The following ARFIP1 variants were observed in gnomAD, a reference collection of about 807,000 sequenced individuals.
The protein encoded by ARFIP1 is ARF interacting protein 1.
In ARFIP1, 24 loss-of-function variants were observed where a neutral mutation model predicts 42.5. The ratio of observed to expected loss-of-function variants is 0.57; its 90% CI spans 0.41 to 0.80. The LOEUF is 0.80. Ranked by LOEUF, ARFIP1 falls within the 30% of genes least tolerant of loss-of-function variation. The pLI, the probability that ARFIP1 is intolerant of heterozygous loss-of-function variation, is 0.00. For synonymous variants in ARFIP1, 141 were observed against 153.7 expected (o/e 0.92, Z 0.61); for missense variants, 354 against 434.0 (o/e 0.82, Z 1.64).
intron 5 of ARFIP1, among the ~76,000 whole-genome samples, chr4:152,879,476 A>G (rs912620367): frequency 2.0e-5 from 3 of 152,206 alleles, no homozygotes; most frequent in African/African-American, 7.2e-5. Context: ...CTCTTATTTC[A>G]TGCATTATTT....
At chr4:152,868,846 A>C (rs1186665731) in intron 3 of ARFIP1, among the ~76,000 whole-genome samples, 1 of 152,166 alleles carries the variant, frequency 6.6e-6, no homozygotes, top group Non-Finnish European at 1.5e-5. Flanking sequence ...TAACTTGTAG[A>C]TTAGTGATTT....
At chr4:152,831,564 G>A (rs1161911928) in intron 2 of ARFIP1, among the ~76,000 whole-genome samples, 3 of 152,166 alleles carry the variant, frequency 2.0e-5, no homozygotes, top group African/African-American at 7.2e-5. Flanking sequence ...ACCTCAGAAG[G>A]CTTCCTTATG....
chr4:152,871,259 G>T (rs1233477836), intron 4 of ARFIP1, among the ~76,000 whole-genome samples: 5 of 151,970 alleles, frequency 3.3e-5, no homozygotes, highest in Non-Finnish European at 1.5e-5. Flanking sequence ...AATGAAAAAG[G>T]TCTTGTCTTC....
At chr4:152,851,431 C>T (rs1201581360) in intron 2 of ARFIP1, among the ~76,000 whole-genome samples, 1 of 152,112 alleles carries the variant, frequency 6.6e-6, no homozygotes, top group Non-Finnish European at 1.5e-5. Flanking sequence ...AGTGTGAGAC[C>T]ATAGAACTGG....
chr4:152,908,851 G>C (rs1266472058), intron 8 of ARFIP1, among the ~76,000 whole-genome samples: 1 of 149,494 alleles, frequency 6.7e-6, no homozygotes, highest in Admixed American at 6.7e-5. Context: ...ACCGAGACCA[G>C]CTCAGTTTTG....
At chr4:152,825,562 T>C (rs575906314) in intron 1 of ARFIP1, among the ~76,000 whole-genome samples, 2 of 152,144 alleles carry the variant, frequency 1.3e-5, no homozygotes, top group South Asian at 4.1e-4. Context: ...GATTAAAGAC[T>C]TAAGATCTGA....
chr4:152,886,294 C>T (rs1736256519), intron 7 of ARFIP1, among the ~76,000 whole-genome samples: 1 of 151,952 alleles, frequency 6.6e-6, no homozygotes, highest in African/African-American at 2.4e-5. Flanking sequence ...GATCAACATT[C>T]TTCAGTGGCT....
At chr4:152,847,121 G>GTTTTTTTTTTTTTTTTT (rs1561139273) in intron 2 of ARFIP1, among the ~76,000 whole-genome samples, 2 of 48,174 alleles carry the variant, frequency 4.2e-5, no homozygotes, top group African/African-American at 8.0e-5. Context: ...TTTTAGGTTT[G>GTTTTTTTTTTTTTTTTT]TTCTTTTTTT....
Position 152,880,959 on chromosome 4 carries a change from T to G in ARFIP1, c.412-4T>G. The stretch of plus-strand genomic sequence containing the variant: ...TCTAAACAAAATGCATCTTCCACTT[T>G]TAGTGTACTCGACAGATTATCTCTG... On this transcript the variant is annotated splice_region_variant and splice_polypyrimidine_tract_variant and intron_variant, in intron 5 of 8. Coordinates refer to ENST00000353617, the MANE Select transcript of ARFIP1 (RefSeq NM_001025595.3). 6.2e-7 allele frequency: 1 copy of G among 1,606,038 alleles called. No homozygotes were observed. Among genetic ancestry groups the G allele is most frequent in the Non-Finnish European group, 8.5e-7 (1 of 1,175,486 alleles).
intron 1 of ARFIP1, among the ~76,000 whole-genome samples, chr4:152,825,876 T>TA (rs1279152995): frequency 6.6e-6 from 1 of 151,926 alleles, no homozygotes; most frequent in African/African-American, 2.4e-5. Flanking sequence ...TCAAAAGAAA[T>TA]ACACAAATGG....
intron 1 of ARFIP1, among the ~76,000 whole-genome samples, chr4:152,805,577 C>G (rs111844786): frequency 0.013 from 1,971 of 152,250 alleles, 21 homozygotes; most frequent in South Asian, 0.023. Context: ...TATCTTTCTT[C>G]GTAACCCTAG....
At chr4:152,848,356 G>A (rs1297585114) in intron 2 of ARFIP1, among the ~76,000 whole-genome samples, 1 of 152,128 alleles carries the variant, frequency 6.6e-6, no homozygotes, top group African/African-American at 2.4e-5. Flanking sequence ...GAACGAGGAC[G>A]AGGACTAGAA....
At chr4:152,824,129 A>C (rs1413029457) in intron 1 of ARFIP1, among the ~76,000 whole-genome samples, 1 of 152,158 alleles carries the variant, frequency 6.6e-6, no homozygotes, top group South Asian at 2.1e-4. Flanking sequence ...CCTGGCCAAC[A>C]TGGTGAAACC....
chr4:152,856,810 A>G (rs1274980905), intron 2 of ARFIP1, among the ~76,000 whole-genome samples: 8 of 152,240 alleles, frequency 5.3e-5, no homozygotes, highest in Admixed American at 5.2e-4. Context: ...GTCAAGACTT[A>G]AGCAAGGCAA....
At position 152,857,709 on chromosome 4, in the gene ARFIP1, T is replaced by C. The variant is rs115817498; in HGVS notation, c.94-5897T>C. Reference sequence around the variant, plus strand: ...ACAATTTATCTCATCAGAGAGACCTTCCCCAAATACTGCATCTGAAGTGGC... The same window carrying C: ...ACAATTTATCTCATCAGAGAGACCTCCCCCAAATACTGCATCTGAAGTGGC... On this transcript the variant is annotated intron_variant, in intron 2 of 8. Transcript: ENST00000353617. 5.7e-3 allele frequency among the ~76,000 whole-genome samples: 864 copies of C among 152,330 alleles called. 5 individuals carry two copies. The highest frequency in any genetic ancestry group is 0.018 in the African/African-American group (753 of 41,566).
rs1734805933 is a variant in ARFIP1 at position 152,870,718 on chromosome 4, AAGGATTTTCAC to A, written c.203-32_203-22del. ...AAATGTACAGTATGTGGAGGAGGAA[AAGGATTTTCAC>A]AGTTAAAATGTCTACCTTTTCAGGT... On this transcript the variant is annotated intron_variant, in intron 3 of 8. Transcript: ENST00000353617. The A allele has an allele frequency of 2.5e-5, 38 of 1,490,608 alleles. No individual in the cohort carries two copies. The East Asian group carries it at 8.6e-4, about 34-fold the overall frequency. The allele number at this position is 1,490,608 out of a possible 1,614,324, so 92.3% of individuals were successfully genotyped here. A position where few individuals can be genotyped will look rare whatever the true frequency, so the allele number is the denominator to read the frequency against.
intron 8 of ARFIP1, among the ~76,000 whole-genome samples, chr4:152,889,913 A>ACTG (rs1254629369): frequency 7.3e-6 from 1 of 137,768 alleles, no homozygotes; most frequent in African/African-American, 2.7e-5. Flanking sequence ...ATATACTAAT[A>ACTG]TATAGTGTAT....
intron 2 of ARFIP1, among the ~76,000 whole-genome samples, chr4:152,854,104 G>A (rs1254840158): frequency 6.6e-6 from 1 of 151,284 alleles, no homozygotes; most frequent in Non-Finnish European, 1.5e-5. Flanking sequence ...GTAGAGGCGG[G>A]GTTTCACCAT....
chr4:152,842,406 CAATG>C (rs1732172352), intron 2 of ARFIP1, among the ~76,000 whole-genome samples: 1 of 151,420 alleles, frequency 6.6e-6, no homozygotes, highest in African/African-American at 2.4e-5. Flanking sequence ...GATCTTTTTG[CAATG>C]AATTTTCCAG....
Sources: allele counts gnomAD v4.1 joint callset (sites outside exome capture counted in the v4.1 genomes callset), GRCh38; gene constraint gnomAD v4.1.1; transcripts MANE v1.5; gene names NCBI Gene and HGNC (gene_info 2026-07-23, HGNC 2026-07-21).